VCPKMT: variants seen among roughly 807,000 people sequenced by gnomAD.
The protein encoded by VCPKMT is protein N-lysine methyltransferase METTL21D.
VCPKMT carries 32 observed loss-of-function variants against 28.6 expected under a neutral mutation model. The observed-to-expected ratio is 1.12, with a 90% CI of 0.84 to 1.50. The LOEUF (loss-of-function observed/expected upper bound fraction) is 1.50, where lower values mean the gene tolerates loss of function less well. Among genes scored for constraint, VCPKMT ranks in the 40% most tolerant of loss-of-function variants. The pLI, the probability that VCPKMT is intolerant of heterozygous loss-of-function variation, is 0.00. For missense variants in VCPKMT, 366 were observed against 285.0 expected (o/e 1.28, Z -2.05); for synonymous variants, 138 against 111.4 (o/e 1.24, Z -1.50).
chr14:50,103,736 G>T (rs1882230885), downstream of VCPKMT, among the ~76,000 whole-genome samples: 1 of 152,102 alleles, frequency 6.6e-6, no homozygotes, highest in Non-Finnish European at 1.5e-5. Context: ...TACATGTTGT[G>T]TAACAATGTT....
At chr14:50,107,319 CTTTTT>C (rs772286873), downstream of VCPKMT, among the ~76,000 whole-genome samples, 3 of 145,780 alleles carry the variant, frequency 2.1e-5, no homozygotes, top group African/African-American at 7.5e-5. Context: ...TCCTATTTGA[CTTTTT>C]TTTTTTTTGA....
downstream of VCPKMT, among the ~76,000 whole-genome samples, chr14:50,106,177 C>T (rs1882312873): frequency 6.6e-6 from 1 of 152,142 alleles, no homozygotes; most frequent in African/African-American, 2.4e-5. Flanking sequence ...ACTACTATGC[C>T]TCTGATTAAA....
At chr14:50,115,785 C>T in intron 3 of VCPKMT, 54 bp downstream of exon 3, 1 of 1,542,826 alleles carries the variant, frequency 6.5e-7, no homozygotes, top group South Asian at 1.2e-5. Flanking sequence ...CTTTAGAATT[C>T]ATGGAATAAG....
At chr14:50,103,790 G>A (rs1882232247), downstream of VCPKMT, among the ~76,000 whole-genome samples, 1 of 151,990 alleles carries the variant, frequency 6.6e-6, no homozygotes, top group African/African-American at 2.4e-5. Flanking sequence ...CCGTGACTGG[G>A]CAGCAATGTT....
At position 50,109,669 on chromosome 14, in the gene VCPKMT, T is replaced by C. The variant is rs781348803; in HGVS notation, c.*30A>G. On this transcript the variant is annotated 3_prime_UTR_variant, in exon 6 of 6. Coordinates refer to ENST00000395860, the MANE Select transcript of VCPKMT (RefSeq NM_024558.3). ...TCACATCTTTAGTTTACCCAGGTTGTTAGAGCCTTGGGTAAGATGATTAAA... is the reference window on the plus strand; with the variant it reads ...TCACATCTTTAGTTTACCCAGGTTGCTAGAGCCTTGGGTAAGATGATTAAA... The C allele has an allele frequency of 1.3e-6, 2 of 1,594,720 alleles. No individual in the cohort carries two copies. The highest frequency in any genetic ancestry group is 8.5e-7 in the Non-Finnish European group (1 of 1,171,978).
downstream of VCPKMT, chr14:50,108,594 T>C: frequency 1.0e-6 from 1 of 985,750 alleles, no homozygotes; most frequent in Non-Finnish European, 1.2e-6. Context: ...TGTTTAGATG[T>C]TCACTTTCTT....
At chr14:50,106,878 C>G (rs1342150779), downstream of VCPKMT, among the ~76,000 whole-genome samples, 1 of 152,142 alleles carries the variant, frequency 6.6e-6, no homozygotes, top group Non-Finnish European at 1.5e-5. Context: ...ACCACCACAC[C>G]CAAGTAATTT....
In VCPKMT at chr14:50,116,513, G is replaced by C. The variant is rs892798585; in HGVS notation, c.40C>G (p.Arg14Gly). ...TLESSLEDPL[R>G]SFVRVLEKRD... ...TTCTCCAAAACTCGCACAAAGCTCC[G>C]CAGTGGGTCCTCCAGCGAGGACTCC... Residue 14 changes from arginine (R) to glycine (G), a missense_variant, in exon 1 of 6, where the codon CGG becomes GGG. Physicochemically the swap from Arg to Gly is moderately radical, Grantham distance 125. Coordinates refer to ENST00000395860, the MANE Select transcript of VCPKMT (RefSeq NM_024558.3). The C allele has an allele frequency of 6.2e-7, 1 of 1,613,516 alleles. No individual in the cohort carries two copies. Among genetic ancestry groups the C allele is most frequent in the Non-Finnish European group, 8.5e-7 (1 of 1,179,816 alleles).
At chr14:50,104,855 C>T (rs554938570), downstream of VCPKMT, among the ~76,000 whole-genome samples, 2 of 152,234 alleles carry the variant, frequency 1.3e-5, no homozygotes, top group South Asian at 4.1e-4. Flanking sequence ...GTCTTCTTTT[C>T]ACAGAAGATA....
chr14:50,111,795 A>G, intron 5 of VCPKMT: 1 of 676,764 alleles, frequency 1.5e-6, no homozygotes, highest in East Asian at 1.3e-4. Flanking sequence ...CTGAGGTGGG[A>G]GGATCACTTC....
In VCPKMT at chr14:50,109,583, G is replaced by A; in HGVS notation, c.*116C>T. 3 of 1,447,888 alleles carry A rather than the reference G, an allele frequency of 2.1e-6. No individual in the cohort carries two copies. Among genetic ancestry groups the A allele is most frequent in the Admixed American group, 3.0e-5 (1 of 32,942 alleles). The allele number at this position is 1,447,888 out of a possible 1,614,324, so 89.7% of individuals were successfully genotyped here. On this transcript the variant is annotated 3_prime_UTR_variant, in exon 6 of 6. Transcript: ENST00000395860. Reference sequence around the variant, plus strand: ...ATCATCTATACATCGGATCTCTAAGGACGTGCCGGAAAAAAAAATCTGTGA... The same window carrying A: ...ATCATCTATACATCGGATCTCTAAGAACGTGCCGGAAAAAAAAATCTGTGA...
At chr14:50,111,971 A>G (rs892971214) in intron 5 of VCPKMT, 33 of 985,244 alleles carry the variant, frequency 3.3e-5, no homozygotes, top group Non-Finnish European at 3.7e-5. Flanking sequence ...CCTGCATAAA[A>G]TGTGATTGTT....
At position 50,115,856 on chromosome 14, in the gene VCPKMT, A is replaced by T. The variant is rs756891983; in HGVS notation, c.433T>A (p.Cys145Ser). 6 of 1,612,728 alleles carry T rather than the reference A, an allele frequency of 3.7e-6. No homozygotes were observed. The East Asian group carries it at 1.1e-4, about 30-fold the overall frequency. Reference protein sequence around the residue: ...SPPDFILMADCIYYEESLEPL... With the variant: ...SPPDFILMADSIYYEESLEPL... ...ATACTTACCTCTTCATAGTATATGC[A>T]GTCGGCCATCAGTATGAAGTCGGGT... The change falls in exon 3 of 6, where the codon TGC becomes AGC. Residue 145 changes from cysteine to serine, a missense_variant. Coordinates refer to ENST00000395860, the MANE Select transcript of VCPKMT (RefSeq NM_024558.3).
At chr14:50,102,828 T>C in the VCPKMT span, among the ~76,000 whole-genome samples, 1 of 152,214 alleles carries the variant, frequency 6.6e-6, no homozygotes, top group South Asian at 2.1e-4. Flanking sequence ...GTATTATAGG[T>C]AATGTATAAA....
chr14:50,111,243 TCTA>T (rs769447567), intron 5 of VCPKMT: 88 of 984,962 alleles, frequency 8.9e-5, no homozygotes, highest in Non-Finnish European at 9.8e-5. Context: ...TCCAAAAAAT[TCTA>T]CTTTTAAAAC....
chr14:50,104,799 T>C (rs1882268006), downstream of VCPKMT, among the ~76,000 whole-genome samples: 1 of 152,250 alleles, frequency 6.6e-6, no homozygotes, highest in Non-Finnish European at 1.5e-5. Flanking sequence ...AGGTGAATTT[T>C]AATTTTCAGA....
In VCPKMT at chr14:50,116,524, T is replaced by G. The variant is rs61732568; in HGVS notation, c.29A>C (p.Glu10Ala). ...TCGCACAAAGCTCCGCAGTGGGTCC[T>G]CCAGCGAGGACTCCAGCGTATCCGC... is the stretch of plus-strand genomic sequence containing the variant. MADTLESSL[E>A]DPLRSFVRVL... Residue 10 changes from glutamate (E) to alanine (A), a missense_variant, in exon 1 of 6, where the codon GAG becomes GCG. Coordinates refer to ENST00000395860, the MANE Select transcript of VCPKMT (RefSeq NM_024558.3). 8 of 1,613,060 alleles carry G rather than the reference T, an allele frequency of 5.0e-6. No homozygotes were observed. The African/African-American group carries it at 9.3e-5, about 19-fold the overall frequency.
intron 2 of VCPKMT, 21 bp from the exon 3 acceptor site, chr14:50,115,932 A>G: frequency 6.2e-7 from 1 of 1,612,054 alleles, no homozygotes. Flanking sequence ...CCAAACAAAT[A>G]TTTCAATTGT....
In VCPKMT at chr14:50,114,312, A is replaced by AT. The variant is rs1171482270; in HGVS notation, c.542dup (p.Asn181LysfsTer5). On this transcript the variant is annotated frameshift_variant, in exon 4 of 6. Transcript: ENST00000395860. LOFTEE classifies it high-confidence loss of function. ...CAAAATATTTTTTCTCAATTTCTGG[A>AT]TTTTTCCCCATTGTTCGTTGTTCAT... The AT allele has an allele frequency of 3.2e-6, 5 of 1,585,554 alleles. No individual in the cohort carries two copies. The highest frequency in any genetic ancestry group is 3.4e-6 in the Non-Finnish European group (4 of 1,170,354).
Sources: gnomAD v4.1 joint callset for allele counts (sites outside exome capture counted in the v4.1 genomes callset) on GRCh38, gnomAD v4.1.1 for gene constraint, MANE v1.5 for transcripts, NCBI Gene and HGNC (gene_info 2026-07-23, HGNC 2026-07-21) for gene names.